The following ANO4 variants were observed in gnomAD, a reference collection of about 807,000 sequenced individuals.
ANO4 encodes anoctamin-4.
A neutral mutation model predicts 141.9 loss-of-function variants in ANO4; 69 were observed. The observed-to-expected ratio is 0.49, with a 90% confidence interval of 0.40 to 0.59. The LOEUF is 0.59. Among genes scored for constraint, ANO4 ranks in the 20% least tolerant of loss-of-function variants. The pLI, the probability that ANO4 is intolerant of heterozygous loss-of-function variation, is 0.00. For missense variants in ANO4, 894 were observed against 1,162.2 expected (o/e 0.77, Z 3.36); for synonymous variants, 350 against 394.3 (o/e 0.89, Z 1.33).
intron 3 of ANO4, among the ~76,000 whole-genome samples, chr12:100,788,797 A>G (rs576494630): frequency 6.6e-6 from 1 of 152,186 alleles, no homozygotes; most frequent in Admixed American, 6.5e-5. Context: ...AGCGTACATG[A>G]TAGTGTAGAG....
intron 3 of ANO4, among the ~76,000 whole-genome samples, chr12:100,745,843 A>G (rs1354832632): frequency 2.6e-5 from 4 of 152,254 alleles, no homozygotes; most frequent in Admixed American, 6.5e-5. Flanking sequence ...ATAAATAAAA[A>G]TATATCCATA....
intron 1 of ANO4, among the ~76,000 whole-genome samples, chr12:100,719,644 G>T (rs1001308234): frequency 6.6e-6 from 1 of 152,110 alleles, no homozygotes; most frequent in Non-Finnish European, 1.5e-5. Flanking sequence ...TAGCACAGGG[G>T]CTGCCAAGAG....
chr12:100,735,470 G>C (rs1454426735), intron 2 of ANO4, among the ~76,000 whole-genome samples: 1 of 152,098 alleles, frequency 6.6e-6, no homozygotes, highest in Non-Finnish European at 1.5e-5. Context: ...TTCACAGTAG[G>C]GGGGTGACAA....
rs1202080903 is a variant in ANO4, at chr12:100,846,953, C to A, written c.-141+51926C>A. Among the ~76,000 whole-genome samples the A allele has an allele frequency of 2.1e-5, 3 of 146,116 alleles. No homozygotes were observed. In the South Asian group the frequency reaches 6.5e-4, roughly 32 times the overall value. On this transcript the variant is annotated intron_variant, in intron 1 of 27. Coordinates refer to ENST00000392977, the MANE Select transcript of ANO4 (RefSeq NM_001286615.2). ...CTCTTCTTTCCTTCCACACCCCCCC[C>A]CAACTTCTACTTAATTTTTGAAATC... is the stretch of plus-strand genomic sequence containing the variant.
At position 100,751,584 on chromosome 12, in the gene ANO4, C is replaced by T. The variant is rs80340873; in HGVS notation, c.358+11479C>T. ...TGTAATTGGAGAATGGAAGAGTTGG[C>T]TCACTTTCCTTGTCCCAGGTCGTGT... On this transcript the variant is annotated intron_variant, in intron 3 of 29. Coordinates refer to the ANO4 transcript ENST00000644049. Among the ~76,000 whole-genome samples, 442 of 152,142 alleles carry T rather than the reference C, an allele frequency of 2.9e-3. 2 individuals carry two copies. Among genetic ancestry groups the T allele is most frequent in the African/African-American group, 0.01 (418 of 41,494 alleles).
intron 9 of ANO4, among the ~76,000 whole-genome samples, chr12:101,025,755 C>T (rs1304302614): frequency 1.3e-5 from 2 of 152,194 alleles, no homozygotes; most frequent in Admixed American, 6.5e-5. Flanking sequence ...TTATCCTGGA[C>T]TGCAAGGTTG....
At chr12:101,080,381 G>A (rs2049197638) in intron 15 of ANO4, among the ~76,000 whole-genome samples, 1 of 152,090 alleles carries the variant, frequency 6.6e-6, no homozygotes, top group African/African-American at 2.4e-5. Flanking sequence ...GGTTTTGAAT[G>A]TACTTCAGGT....
At chr12:100,831,655 T>C (rs2135775330) in intron 1 of ANO4, among the ~76,000 whole-genome samples, 1 of 152,244 alleles carries the variant, frequency 6.6e-6, no homozygotes, top group East Asian at 1.9e-4. Context: ...ATGTATTTAT[T>C]ACATAAAATG....
chr12:101,015,952 T>C (rs1198844839), intron 8 of ANO4, among the ~76,000 whole-genome samples: 1 of 152,202 alleles, frequency 6.6e-6, no homozygotes, highest in East Asian at 1.9e-4. Flanking sequence ...CTGTTCCTTC[T>C]CATAATCCTC....
At chr12:100,913,758 T>C (rs2041216531) in intron 2 of ANO4, among the ~76,000 whole-genome samples, 1 of 152,210 alleles carries the variant, frequency 6.6e-6, no homozygotes, top group Admixed American at 6.5e-5. Flanking sequence ...CCATGGTGGA[T>C]AGTCAGTTAA....
At chr12:101,113,757 C>T (rs2050750521) in intron 24 of ANO4, among the ~76,000 whole-genome samples, 1 of 152,128 alleles carries the variant, frequency 6.6e-6, no homozygotes, top group Non-Finnish European at 1.5e-5. Context: ...ATTGCTGGCT[C>T]ATCCCTTTCT....
intron 7 of ANO4, among the ~76,000 whole-genome samples, chr12:100,983,658 C>G (rs1187455418): frequency 1.3e-5 from 2 of 152,200 alleles, no homozygotes; most frequent in African/African-American, 2.4e-5. Context: ...TCAAAGCCAG[C>G]AATGGTGGGT....
intron 8 of ANO4, among the ~76,000 whole-genome samples, chr12:100,989,816 G>A (rs2044992076): frequency 7.4e-6 from 1 of 134,990 alleles, no homozygotes; most frequent in African/African-American, 2.9e-5. Context: ...GATGGATAGT[G>A]TATATGGATA....
At chr12:100,727,998 T>C (rs540122596) in intron 1 of ANO4, among the ~76,000 whole-genome samples, 12 of 152,338 alleles carry the variant, frequency 7.9e-5, no homozygotes, top group African/African-American at 2.9e-4. Context: ...AAACAATACT[T>C]TGAGCACCCA....
chr12:101,069,348 G>A (rs2048718224), intron 14 of ANO4: 1 of 610,820 alleles, frequency 1.6e-6, no homozygotes, highest in Non-Finnish European at 3.0e-6. Flanking sequence ...TTAAAATTAT[G>A]TGAATAAATA....
intron 3 of ANO4, among the ~76,000 whole-genome samples, chr12:100,931,466 T>C (rs2042085354): frequency 6.6e-6 from 1 of 152,092 alleles, no homozygotes; most frequent in African/African-American, 2.4e-5. Context: ...CAGCTAGAAA[T>C]GGTATGGATT....
intron 8 of ANO4, among the ~76,000 whole-genome samples, chr12:101,016,013 A>C (rs1445809946): frequency 6.6e-6 from 1 of 152,208 alleles, no homozygotes; most frequent in Non-Finnish European, 1.5e-5. Context: ...CCCCGCAGGA[A>C]GATCCTTAGA....
intron 7 of ANO4, among the ~76,000 whole-genome samples, chr12:100,984,560 A>G (rs979107847): frequency 6.6e-6 from 1 of 151,822 alleles, no homozygotes; most frequent in African/African-American, 2.4e-5. Flanking sequence ...CCCACTAACC[A>G]CTCTGTAAGG....
rs2042073341 is a variant in ANO4 at position 100,931,092 on chromosome 12, C to T, written c.161-8223C>T. Among the ~76,000 whole-genome samples, 2 of 151,920 alleles carry T rather than the reference C, an allele frequency of 1.3e-5. 1 individual carries two copies. The highest frequency in any genetic ancestry group is 4.2e-4 in the South Asian group (2 of 4,800). On this transcript the variant is annotated intron_variant, in intron 3 of 27. Transcript: ENST00000392977. ...ACCTCCTTTTTTCTTATTGGTAAACCAGGCAGCCTTTGCCTTAGGGATGCT... is the reference window on the plus strand; with the variant it reads ...ACCTCCTTTTTTCTTATTGGTAAACTAGGCAGCCTTTGCCTTAGGGATGCT...
Sources: allele counts gnomAD v4.1 joint callset (sites outside exome capture counted in the v4.1 genomes callset), GRCh38; gene constraint gnomAD v4.1.1; transcripts MANE v1.5; gene names NCBI Gene and HGNC (gene_info 2026-07-23, HGNC 2026-07-21).